Variants in NT5C2 observed in about 807,000 individuals in gnomAD.
The protein encoded by NT5C2 is 5'-nucleotidase, cytosolic II, also known as cytosolic purine 5'-nucleotidase.
In NT5C2, 58 loss-of-function variants were observed where a neutral mutation model predicts 76.1. The observed-to-expected ratio is 0.76, with a 90% CI of 0.62 to 0.95. The LOEUF is 0.95. Among genes scored for constraint, NT5C2 ranks in the 40% least tolerant of loss-of-function variants. The pLI is 0.00. For missense variants in NT5C2, 478 were observed against 690.3 expected (o/e 0.69, Z 3.45); for synonymous variants, 229 against 237.4 (o/e 0.96, Z 0.32).
intron 3 of NT5C2, 128 bp downstream of exon 3, chr10:103,174,730 T>G: frequency 4.4e-6 from 3 of 685,146 alleles, no homozygotes; most frequent in South Asian, 1.7e-5. Context: ...AGAACTAGAT[T>G]TGTACCATGT....
In NT5C2 at chr10:103,094,370, G is replaced by A. The variant is rs1564924220; in HGVS notation, c.899C>T (p.Thr300Ile). The part of the protein sequence containing the change: ...ARKPLFFGEG[T>I]VLRQVDTKTG... ...TACAGTATCCACCTGACGCAGTACT[G>A]TGCCTTCTCCAAAAAAGAGTGGTTT... Residue 300 changes from threonine (T) to isoleucine (I), a missense_variant, in exon 13 of 19, where the codon ACA (threonine) becomes ATA (isoleucine). Physicochemically the swap from Thr to Ile is moderately conservative, Grantham distance 89 (BLOSUM62 -1). Transcript: ENST00000404739. The A allele has an allele frequency of 6.2e-7, 1 of 1,609,692 alleles. No homozygotes were observed.
intron 3 of NT5C2, among the ~76,000 whole-genome samples, chr10:103,156,155 C>G (rs1176331020): frequency 6.6e-6 from 1 of 151,854 alleles, no homozygotes; most frequent in African/African-American, 2.4e-5. Context: ...AGTGAGACTC[C>G]ATCTCTTGAA....
chr10:103,116,582 T>C (rs931848160), intron 4 of NT5C2, among the ~76,000 whole-genome samples: 39 of 134,102 alleles, frequency 2.9e-4, no homozygotes, highest in Non-Finnish European at 2.8e-4. Flanking sequence ...TTCTTTTTTT[T>C]TTTTCTTTTT....
chr10:103,173,866 C>T (rs2089022727), intron 3 of NT5C2, among the ~76,000 whole-genome samples: 1 of 151,874 alleles, frequency 6.6e-6, no homozygotes, highest in African/African-American at 2.4e-5. Flanking sequence ...GATGCCGAGG[C>T]AGGTGGATCA....
chr10:103,135,277 G>C (rs540902094), intron 4 of NT5C2, among the ~76,000 whole-genome samples: 5 of 152,182 alleles, frequency 3.3e-5, no homozygotes, highest in African/African-American at 1.2e-4. Flanking sequence ...GAGGGATCCA[G>C]TGGGAGGTAA....
intron 4 of NT5C2, among the ~76,000 whole-genome samples, chr10:103,135,969 C>A (rs535091811): frequency 1.3e-5 from 2 of 152,074 alleles, no homozygotes; most frequent in South Asian, 4.2e-4. Context: ...CACCTGTAAT[C>A]CCAGCTACTC....
At chr10:103,148,373 C>T (rs1378751029) in intron 3 of NT5C2, among the ~76,000 whole-genome samples, 4 of 152,122 alleles carry the variant, frequency 2.6e-5, no homozygotes, top group Non-Finnish European at 1.5e-5. Flanking sequence ...GAGGCTGAGG[C>T]GGGTGGATCA....
intron 13 of NT5C2, 31 bp from the exon 14 acceptor site, chr10:103,094,069 T>A: frequency 6.4e-7 from 1 of 1,567,670 alleles, no homozygotes; most frequent in Non-Finnish European, 8.8e-7. Context: ...TTGTAATACT[T>A]TATCATCCTA....
chr10:103,163,720 A>G (rs1436586927), intron 3 of NT5C2, among the ~76,000 whole-genome samples: 1 of 151,704 alleles, frequency 6.6e-6, no homozygotes, highest in Non-Finnish European at 1.5e-5. Flanking sequence ...TAAAAAAAAA[A>G]AAAACTCAAA....
At chr10:103,191,769 T>C (rs1033147743) in intron 1 of NT5C2, among the ~76,000 whole-genome samples, 13 of 148,966 alleles carry the variant, frequency 8.7e-5, no homozygotes, top group African/African-American at 3.2e-4. Context: ...GGTTACTAAA[T>C]CCTAAAACCT....
intron 16 of NT5C2, among the ~76,000 whole-genome samples, 180 bp from the exon 17 acceptor site, chr10:103,091,176 C>T (rs973870978): frequency 1.3e-5 from 2 of 151,766 alleles, no homozygotes; most frequent in South Asian, 2.1e-4. Context: ...GCTGGGATTA[C>T]AGGCATGTGC....
intron 3 of NT5C2, among the ~76,000 whole-genome samples, chr10:103,163,087 CTT>C (rs2085340845): frequency 6.6e-6 from 1 of 152,154 alleles, no homozygotes; most frequent in Non-Finnish European, 1.5e-5. Context: ...AGCATTATGC[CTT>C]TGAGAGTGAT....
chr10:103,163,177 T>G (rs548040338), intron 3 of NT5C2, among the ~76,000 whole-genome samples: 3 of 152,276 alleles, frequency 2.0e-5, no homozygotes, highest in Non-Finnish European at 4.4e-5. Flanking sequence ...ATACTGTTTA[T>G]GTATGTACCT....
In NT5C2 at chr10:103,169,815, T is replaced by C. The variant is rs1036986415; in HGVS notation, c.101+5043A>G. On this transcript the variant is annotated intron_variant, in intron 3 of 18. Coordinates refer to ENST00000404739, the MANE Select transcript of NT5C2 (RefSeq NM_001351169.2). Reference sequence around the variant, plus strand: ...GGACAACATAGTGAGACCACATCTCTAGAAAAAAATTTTTTAAATTACCAA... The same window carrying C: ...GGACAACATAGTGAGACCACATCTCCAGAAAAAAATTTTTTAAATTACCAA... 3.3e-5 allele frequency among the ~76,000 whole-genome samples: 5 copies of C among 152,058 alleles called. No homozygotes were observed. In the East Asian group the frequency reaches 9.7e-4, roughly 29 times the overall value.
chr10:103,139,775 A>G (rs781375061), intron 3 of NT5C2, among the ~76,000 whole-genome samples: 1 of 152,148 alleles, frequency 6.6e-6, no homozygotes, highest in Admixed American at 6.5e-5. Flanking sequence ...CTTAAAATCT[A>G]TTGTCTTGGC....
intron 3 of NT5C2, among the ~76,000 whole-genome samples, chr10:103,160,941 C>CA (rs2084701662): frequency 1.3e-5 from 2 of 151,826 alleles, no homozygotes; most frequent in Non-Finnish European, 2.9e-5. Flanking sequence ...ACCCGGGAGG[C>CA]AGAGGTTGCA....
intron 2 of NT5C2, among the ~76,000 whole-genome samples, chr10:103,177,491 C>T (rs781115153): frequency 4.6e-5 from 7 of 152,104 alleles, no homozygotes; most frequent in African/African-American, 7.2e-5. Context: ...ATGCTAACAT[C>T]GTTTATGACA....
intron 3 of NT5C2, among the ~76,000 whole-genome samples, chr10:103,170,215 C>A (rs1030610371): frequency 2.0e-5 from 3 of 152,136 alleles, no homozygotes; most frequent in African/African-American, 4.8e-5. Flanking sequence ...GAGGCTGTGG[C>A]AGGTGGATTG....
chr10:103,132,914 G>A (rs2078490684), intron 4 of NT5C2, among the ~76,000 whole-genome samples: 1 of 152,154 alleles, frequency 6.6e-6, no homozygotes, highest in Non-Finnish European at 1.5e-5. Flanking sequence ...ACTACTTACT[G>A]GTAGACACAA....
Sources: gnomAD v4.1 joint callset for allele counts (sites outside exome capture counted in the v4.1 genomes callset) on GRCh38, gnomAD v4.1.1 for gene constraint, MANE v1.5 for transcripts, NCBI Gene and HGNC (gene_info 2026-07-23, HGNC 2026-07-21) for gene names.